The following VEPH1 variants were observed in gnomAD, a reference collection of about 807,000 sequenced individuals.
VEPH1 encodes ventricular zone expressed PH domain containing 1, also known as ventricular zone-expressed PH domain-containing protein homolog 1.
Under a neutral mutation model 85.2 loss-of-function variants are expected in VEPH1, and 80 were observed. That is an observed-to-expected ratio of 0.94 (90% CI 0.78 to 1.13). The LOEUF (loss-of-function observed/expected upper bound fraction) is 1.13. Ranked by LOEUF, VEPH1 falls within the 50% of genes most tolerant of loss-of-function variation. The pLI is 0.00. For synonymous variants in VEPH1, 297 were observed against 348.0 expected, an observed-to-expected ratio of 0.85 and a Z score of 1.63; for missense variants, 955 against 980.5, an observed-to-expected ratio of 0.97 and a Z score of 0.35.
rs760662588 is a variant in VEPH1 at position 157,325,990 on chromosome 3, T to G, written c.1736-8789A>C. On this transcript the variant is annotated intron_variant, in intron 9 of 13. Transcript: ENST00000362010. ...CATGGAATGTTTTTCCATTTCTTTG[T>G]GTCATCTCCGATTTCTTTGAGCAGC... is the stretch of plus-strand genomic sequence containing the variant. Among the ~76,000 whole-genome samples the G allele has an allele frequency of 7.5e-4, 115 of 152,370 alleles. 1 individual carries two copies. Among genetic ancestry groups the G allele is most frequent in the Non-Finnish European group, 1.2e-3 (83 of 68,040 alleles).
At chr3:157,266,175 C>T (rs1057307003) in intron 12 of VEPH1, among the ~76,000 whole-genome samples, 1 of 150,834 alleles carries the variant, frequency 6.6e-6, no homozygotes, top group African/African-American at 2.4e-5. Context: ...GTATATTTAG[C>T]TATTTGGCAG....
At chr3:157,340,244 G>A (rs1016606644) in intron 9 of VEPH1, among the ~76,000 whole-genome samples, 1 of 152,358 alleles carries the variant, frequency 6.6e-6, no homozygotes, top group Admixed American at 6.5e-5. Context: ...CCCGGGAAGT[G>A]CAAGGGGTCA....
chr3:157,435,481 A>G (rs1331892308), intron 4 of VEPH1, among the ~76,000 whole-genome samples: 1 of 152,222 alleles, frequency 6.6e-6, no homozygotes, highest in Non-Finnish European at 1.5e-5. Context: ...GCTAGGGCAG[A>G]GTGGGATTGT....
chr3:157,472,838 A>ACATG (rs1737090316), intron 2 of VEPH1, among the ~76,000 whole-genome samples: 1 of 152,156 alleles, frequency 6.6e-6, no homozygotes, highest in Non-Finnish European at 1.5e-5. Context: ...CCTACAAATA[A>ACATG]CATGATCTTG....
At chr3:157,405,904 G>A (rs1056370348) in intron 6 of VEPH1, among the ~76,000 whole-genome samples, 2 of 152,098 alleles carry the variant, frequency 1.3e-5, no homozygotes, top group Admixed American at 6.6e-5. Context: ...CCAGTACTGG[G>A]TCTTACAGTT....
intron 11 of VEPH1, among the ~76,000 whole-genome samples, chr3:157,288,901 C>A (rs1479016424): frequency 6.6e-6 from 1 of 152,132 alleles, no homozygotes; most frequent in African/African-American, 2.4e-5. Flanking sequence ...GGTTGCTAAC[C>A]TTTAATACCG....
chr3:157,438,815 C>T (rs906642181), intron 4 of VEPH1, among the ~76,000 whole-genome samples: 3 of 152,102 alleles, frequency 2.0e-5, no homozygotes, highest in Non-Finnish European at 4.4e-5. Context: ...CCTTTGTATG[C>T]CAAAACTTCT....
At chr3:157,403,949 A>C (rs1200647802) in intron 6 of VEPH1, among the ~76,000 whole-genome samples, 4 of 152,128 alleles carry the variant, frequency 2.6e-5, no homozygotes, top group African/African-American at 9.7e-5. Context: ...CATCTTGTTC[A>C]ATTATGGATT....
At chr3:157,295,813 G>T (rs1473227461) in intron 11 of VEPH1, among the ~76,000 whole-genome samples, 2 of 151,962 alleles carry the variant, frequency 1.3e-5, no homozygotes, top group Non-Finnish European at 2.9e-5. Context: ...AAATTAGCTG[G>T]ATGTGATGGC....
At chr3:157,442,802 T>C (rs1425958878) in intron 4 of VEPH1, 1 of 1,614,224 alleles carries the variant, frequency 6.2e-7, no homozygotes, top group Non-Finnish European at 8.5e-7. Context: ...GTGGTGGCTT[T>C]GATGAAACAT....
chr3:157,450,248 G>A (rs900141063), intron 4 of VEPH1, among the ~76,000 whole-genome samples: 3 of 151,582 alleles, frequency 2.0e-5, no homozygotes, highest in Admixed American at 6.6e-5. Context: ...GTAGGGACGA[G>A]GTCTTGCTAT....
At chr3:157,362,271 T>G (rs1240210848) in intron 9 of VEPH1, among the ~76,000 whole-genome samples, 2 of 152,188 alleles carry the variant, frequency 1.3e-5, no homozygotes, top group Admixed American at 1.3e-4. Context: ...CCTCAGGCGA[T>G]CCACCTGCCT....
chr3:157,417,062 A>AAAG (rs1271049358), intron 5 of VEPH1, among the ~76,000 whole-genome samples: 2 of 151,288 alleles, frequency 1.3e-5, no homozygotes, highest in East Asian at 3.8e-4. Context: ...AAATTAAACA[A>AAAG]AAGTTGTTTT....
At chr3:157,345,944 C>G (rs1313888621) in intron 9 of VEPH1, among the ~76,000 whole-genome samples, 1 of 151,742 alleles carries the variant, frequency 6.6e-6, no homozygotes, top group Non-Finnish European at 1.5e-5. Flanking sequence ...AAACCAAACA[C>G]TGCGTGTTCT....
chr3:157,279,067 T>C (rs939227689), intron 12 of VEPH1, among the ~76,000 whole-genome samples: 4 of 151,922 alleles, frequency 2.6e-5, no homozygotes, highest in African/African-American at 9.7e-5. Context: ...TTAGAAGCAG[T>C]CAAGTAAGTG....
At chr3:157,362,097 A>G (rs1036720826) in intron 9 of VEPH1, among the ~76,000 whole-genome samples, 5 of 151,830 alleles carry the variant, frequency 3.3e-5, no homozygotes, top group Non-Finnish European at 5.9e-5. Context: ...GTGGTGCGAT[A>G]TCGGCTCACT....
At chr3:157,422,621 C>G (rs1000917789) in intron 5 of VEPH1, among the ~76,000 whole-genome samples, 1 of 152,162 alleles carries the variant, frequency 6.6e-6, no homozygotes, top group Non-Finnish European at 1.5e-5. Context: ...CAACTCCACT[C>G]CTCACCCCAA....
At chr3:157,324,353 C>T (rs1721663654) in intron 9 of VEPH1, among the ~76,000 whole-genome samples, 2 of 152,168 alleles carry the variant, frequency 1.3e-5, no homozygotes, top group South Asian at 4.2e-4. Flanking sequence ...CCACTGTGCC[C>T]ATATTTTTAA....
chr3:157,385,850 G>C (rs1283005913), intron 6 of VEPH1, among the ~76,000 whole-genome samples: 2 of 152,122 alleles, frequency 1.3e-5, no homozygotes, highest in African/African-American at 4.8e-5. Flanking sequence ...CTTGCACTTT[G>C]ATTAAATCTT....
Sources: gnomAD v4.1 joint callset for allele counts (sites outside exome capture counted in the v4.1 genomes callset) on GRCh38, gnomAD v4.1.1 for gene constraint, MANE v1.5 for transcripts, NCBI Gene and HGNC (gene_info 2026-07-23, HGNC 2026-07-21) for gene names.